INTS1: variants seen among roughly 807,000 people sequenced by gnomAD.
INTS1 encodes integrator complex subunit 1.
In INTS1, 137 loss-of-function variants were observed where a neutral mutation model predicts 241.6. The observed-to-expected ratio is 0.57, with a 90% confidence interval of 0.49 to 0.65. The LOEUF is 0.65. Ranked by LOEUF, INTS1 falls within the 30% of genes least tolerant of loss-of-function variation. The pLI is 0.00. For missense variants in INTS1, 3,073 were observed against 3,032.2 expected (o/e 1.01, Z -0.32); for synonymous variants, 1,692 against 1,337.8 (o/e 1.26, Z -5.78).
Position 1,496,208 on chromosome 7 carries a change from G to A in INTS1, c.1659C>T (p.Ile553=), listed in dbSNP as rs754932647. Residue 553 remains isoleucine (I), a synonymous_variant, in exon 12 of 48, where the codon ATC becomes ATT. Transcript: ENST00000404767. Reference sequence around the variant, plus strand: ...TGCCGGCCTCCTTCACCTGCGCTGTGATGCCCAGCATCATGGACACGGCCA... The same window carrying A: ...TGCCGGCCTCCTTCACCTGCGCTGTAATGCCCAGCATCATGGACACGGCCA... The part of the protein sequence containing the change: ...DVLAVSMMLG[I]TAQVKEAGIA... 3.7e-6 allele frequency: 6 copies of A among 1,613,760 alleles called. No homozygotes were observed. Among genetic ancestry groups the A allele is most frequent in the Non-Finnish European group, 1.7e-6 (2 of 1,179,838 alleles).
chr7:1,481,211 G>A lies in INTS1; in HGVS notation c.3850+131C>T, dbSNP rs1781977361. On this transcript the variant is annotated intron_variant, in intron 28 of 47. Transcript: ENST00000404767. This position sits in a 1 kb window ranked among gnomAD's most constrained non-coding sequence, Gnocchi z 6.8. ...CTCACCAACCCACAGGTCTAAGCCT[G>A]CCCTCGAGTGCCACCCACACCCACC... is the stretch of plus-strand genomic sequence containing the variant. 1.9e-6 allele frequency: 2 copies of A among 1,039,792 alleles called. No individual in the cohort carries two copies. The highest frequency in any genetic ancestry group is 2.9e-6 in the Non-Finnish European group (2 of 691,192). 64.4% of individuals were successfully genotyped at this position (1,039,792 alleles called of 1,614,324 possible). A position where few individuals can be genotyped will look rare whatever the true frequency, so the allele number is the denominator to read the frequency against.
chr7:1,476,482 G>A lies in INTS1; in HGVS notation c.5152-27C>T, dbSNP rs551606082. 5.9e-4 allele frequency: 946 copies of A among 1,593,086 alleles called. 5 individuals carry two copies. In the African/African-American group the frequency reaches 0.011, roughly 18 times the overall value. The stretch of plus-strand genomic sequence containing the variant: ...TGTAACGGGTGCCTGCATCAGCCCC[G>A]GAGCACCACCGCCTCTCCCGGATGG... On this transcript the variant is annotated intron_variant, in intron 37 of 47. Coordinates refer to ENST00000404767, the MANE Select transcript of INTS1 (RefSeq NM_001080453.3).
At chr7:1,503,277 G>T in intron 2 of INTS1, 86 bp from the exon 3 acceptor site, 1 of 1,394,202 alleles carries the variant, frequency 7.2e-7, no homozygotes, top group Non-Finnish European at 9.7e-7. Flanking sequence ...TTATGTCAGA[G>T]GGGATTAAAC....
chr7:1,476,592 C>T lies in INTS1; in HGVS notation c.5129G>A (p.Gly1710Glu). 1 of 1,601,310 alleles carries T rather than the reference C, an allele frequency of 6.2e-7. No individual in the cohort carries two copies. Among genetic ancestry groups the T allele is most frequent in the Non-Finnish European group, 8.5e-7 (1 of 1,175,922 alleles). The change falls in exon 37 of 48, where the codon GGG (glycine) becomes GAG (glutamate). Residue 1710 changes from glycine to glutamate, a missense_variant. Gly to Glu is a moderately conservative substitution (Grantham distance 98, BLOSUM62 -2). Coordinates refer to ENST00000404767, the MANE Select transcript of INTS1 (RefSeq NM_001080453.3). ...ACIHVPRIWQ[G>E]RDQRTPQKRR... Reference sequence around the variant, plus strand: ...TGCCTGCGGGGTGCGCTGGTCCCGCCCCTGCCAGATGCGAGGAACATGGAT... The same window carrying T: ...TGCCTGCGGGGTGCGCTGGTCCCGCTCCTGCCAGATGCGAGGAACATGGAT...
Position 1,480,361 on chromosome 7 carries a change from G to A in INTS1, c.4030C>T (p.Arg1344Trp), listed in dbSNP as rs372228066. The change falls in exon 30 of 48, where the codon CGG (arginine) becomes TGG (tryptophan). Residue 1344 changes from arginine to tryptophan, a missense_variant. Coordinates refer to ENST00000404767, the MANE Select transcript of INTS1 (RefSeq NM_001080453.3). ...AGGTCGTCCTCAGGGCCCAGCACCCGGAGCTGGGTCCCCACCCGAATCCGG... is the reference window on the plus strand; with the variant it reads ...AGGTCGTCCTCAGGGCCCAGCACCCAGAGCTGGGTCCCCACCCGAATCCGG... ...QGRIRVGTQL[R>W]VLGPEDDLAG... is the part of the protein sequence containing the mutation. 2.0e-5 allele frequency: 32 copies of A among 1,611,932 alleles called. No individual in the cohort carries two copies. Among genetic ancestry groups the A allele is most frequent in the East Asian group, 4.5e-5 (2 of 44,856 alleles).
intron 14 of INTS1, chr7:1,494,563 C>T (rs988734581): frequency 7.1e-6 from 4 of 565,984 alleles, no homozygotes; most frequent in Non-Finnish European, 1.3e-5. Flanking sequence ...AGGCGGGGGT[C>T]CGGGGGAGGC....
Position 1,483,854 on chromosome 7 carries a change from C to A in INTS1, c.3430-1G>T, listed in dbSNP as rs746813423. 1 of 1,607,588 alleles carries A rather than the reference C, an allele frequency of 6.2e-7. No individual in the cohort carries two copies. ...GGAAGACCTGGTCCTGAGACTCCGA[C>A]TGTGGGAAAAGAGGTGGAGTCAGGC... On this transcript the variant is annotated splice_acceptor_variant, in intron 25 of 47. Transcript: ENST00000404767. LOFTEE classifies it high-confidence loss of function.
chr7:1,472,475 C>T (rs1171580960), intron 43 of INTS1, 89 bp from the exon 44 acceptor site: 8 of 905,302 alleles, frequency 8.8e-6, no homozygotes, highest in African/African-American at 3.4e-5. Context: ...GAGAGCACGG[C>T]GGCCACTGCC....
At chr7:1,477,434 CA>C (rs1437511018) in intron 35 of INTS1, 115 bp downstream of exon 35, 10 of 1,210,178 alleles carry the variant, frequency 8.3e-6, no homozygotes, top group East Asian at 2.6e-5. Context: ...GGCCTGAGAG[CA>C]GGGGGGGTGC....
chr7:1,472,472 C>T (rs902956940), intron 43 of INTS1, 86 bp from the exon 44 acceptor site: 46 of 937,034 alleles, frequency 4.9e-5, no homozygotes, highest in Non-Finnish European at 6.6e-5. Flanking sequence ...CCCGAGAGCA[C>T]GGCGGCCACT....
In INTS1 at chr7:1,471,599, C is replaced by T. The variant is rs754354443; in HGVS notation, c.6227G>A (p.Arg2076Gln). The change falls in exon 45 of 48, where the codon CGG becomes CAG. Residue 2076 changes from arginine (R) to glutamine (Q), a missense_variant. Coordinates refer to ENST00000404767, the MANE Select transcript of INTS1 (RefSeq NM_001080453.3). ...GAAGAAGCTCAGGATCTCGGGTCTC[C>T]GCCGGGACATCTCGTCTATGTCACT... The part of the protein sequence containing the change: ...VLSDIDEMSR[R>Q]RPEILSFFST... 4.3e-6 allele frequency: 7 copies of T among 1,612,454 alleles called. No homozygotes were observed. The highest frequency in any genetic ancestry group is 1.7e-5 in the Admixed American group (1 of 60,032).
At chr7:1,501,611 G>A (rs1379730920) in intron 3 of INTS1, among the ~76,000 whole-genome samples, 5 of 152,184 alleles carry the variant, frequency 3.3e-5, no homozygotes, top group Non-Finnish European at 7.3e-5. Context: ...TAGTGCTAAA[G>A]ATAAATAAAG....
Position 1,476,054 on chromosome 7 carries a change from C to A in INTS1, c.5396G>T (p.Cys1799Phe). Reference protein sequence around the residue: ...QWGDSVLGRRCRDLLLQLYLQ... With the variant: ...QWGDSVLGRRFRDLLLQLYLQ... ...GTAGAGCTGCAGGAGAAGGTCTCGGCAGCGCCTGCCCAGCACGCTGGAAGA... is the reference window on the plus strand; with the variant it reads ...GTAGAGCTGCAGGAGAAGGTCTCGGAAGCGCCTGCCCAGCACGCTGGAAGA... The change falls in exon 39 of 48, where the codon TGC (cysteine) becomes TTC (phenylalanine). Residue 1799 changes from cysteine to phenylalanine, a missense_variant. Transcript: ENST00000404767. The A allele has an allele frequency of 6.5e-7, 1 of 1,544,450 alleles. No individual in the cohort carries two copies. Among genetic ancestry groups the A allele is most frequent in the Non-Finnish European group, 8.7e-7 (1 of 1,146,478 alleles).
At chr7:1,478,937 C>A in intron 31 of INTS1, 52 bp from the exon 32 acceptor site, 1 of 1,548,380 alleles carries the variant, frequency 6.5e-7, no homozygotes, top group Admixed American at 1.8e-5. Flanking sequence ...ACACGGGGAC[C>A]CGGCACCCGA....
At position 1,503,103 on chromosome 7, in the gene INTS1, G is replaced by A; in HGVS notation, c.147C>T (p.Ala49=). 6.2e-7 allele frequency: 1 copy of A among 1,609,188 alleles called. No individual in the cohort carries two copies. Among genetic ancestry groups the A allele is most frequent in the East Asian group, 2.2e-5 (1 of 44,746 alleles). The stretch of plus-strand genomic sequence containing the variant: ...TGCGCTCAGAAGGCAGGCCGGAAGG[G>A]GCTGGCTTCAGCAGGGTGGACGCCG... ...SKTASTLLKP[A]PSGLPSERKR... The change falls in exon 3 of 48, where the codon GCC becomes GCT. Residue 49 remains alanine (A), a synonymous_variant. Coordinates refer to ENST00000404767, the MANE Select transcript of INTS1 (RefSeq NM_001080453.3).
At chr7:1,499,391 GCCTCCCA>G in intron 6 of INTS1, 31 bp from the exon 7 acceptor site, 1 of 1,551,116 alleles carries the variant, frequency 6.4e-7, no homozygotes, top group Non-Finnish European at 8.7e-7. Context: ...TCCATGCAGC[GCCTCCCA>G]CCCGCCCATC....
At chr7:1,473,796 G>A in intron 41 of INTS1, 103 bp from the exon 42 acceptor site, 2 of 1,416,308 alleles carry the variant, frequency 1.4e-6, no homozygotes, top group Non-Finnish European at 1.9e-6. Flanking sequence ...GGACCCCACA[G>A]CCAACGAGCC....
rs370486270 is a variant in INTS1, at chr7:1,472,325, C to T, written c.6132G>A (p.Ala2044=). Residue 2044 remains alanine (A), a synonymous_variant, in exon 44 of 48, where the codon GCG becomes GCA. Coordinates refer to ENST00000404767, the MANE Select transcript of INTS1 (RefSeq NM_001080453.3). ...VSVSLFTPLT[A]AEMAPYMKRL... ...GTTTCATGTAGGGGGCCATCTCGGC[C>T]GCGGTCAGAGGGGTGAACAGGGAGA... 5.7e-6 allele frequency: 9 copies of T among 1,571,808 alleles called. No individual in the cohort carries two copies. The highest frequency in any genetic ancestry group is 7.8e-6 in the Non-Finnish European group (9 of 1,159,354).
At chr7:1,495,610 G>A (rs79922934) in intron 12 of INTS1, 57 bp from the exon 13 acceptor site, 5 of 1,564,366 alleles carry the variant, frequency 3.2e-6, no homozygotes, top group East Asian at 2.4e-5. Context: ...GAGGGGCTAA[G>A]GCACCCCTGG....
Sources: gnomAD v4.1 joint callset for allele counts (sites outside exome capture counted in the v4.1 genomes callset) on GRCh38, gnomAD v4.1.1 for gene constraint, Gnocchi (gnomAD v3.1) non-coding constraint, MANE v1.5 for transcripts, NCBI Gene and HGNC (gene_info 2026-07-23, HGNC 2026-07-21) for gene names.